The following PLXNB2 variants were observed in gnomAD, a reference collection of about 807,000 sequenced individuals.
The protein encoded by PLXNB2 is plexin B2.
Under a neutral mutation model 202.6 loss-of-function variants are expected in PLXNB2, and 85 were observed. The observed-to-expected ratio is 0.42, with a 90% CI of 0.35 to 0.50. PLXNB2 has a LOEUF of 0.50. Among genes scored for constraint, PLXNB2 ranks in the 20% least tolerant of loss-of-function variants. The pLI is 0.02. For missense variants in PLXNB2, 2,063 were observed against 2,586.2 expected, an observed-to-expected ratio of 0.80 and a Z score of 4.39; for synonymous variants, 1,239 against 1,137.6, an observed-to-expected ratio of 1.09 and a Z score of -1.79.
chr22:50,290,639 G>A (rs564592455), intron 2 of PLXNB2, 42 bp from the exon 3 acceptor site: 2 of 1,491,584 alleles, frequency 1.3e-6, no homozygotes, highest in African/African-American at 1.4e-5. Context: ...CGACCCAGAG[G>A]ACCCCCGATC....
chr22:50,281,686 G>A lies in PLXNB2; in HGVS notation c.3402C>T (p.Ala1134=), dbSNP rs779403667. The change falls in exon 21 of 37, where the codon GCC becomes GCT. Residue 1134 remains alanine, a synonymous_variant. Coordinates refer to ENST00000359337, the MANE Select transcript of PLXNB2 (RefSeq NM_012401.4). ...TLQEAEAFVG[A]ERCTMKTLTE... ...TCAGCGTCTTCATGGTGCAGCGCTCGGCACCCACGAAGGCCTCGGCCTCCT... is the reference window on the plus strand; with the variant it reads ...TCAGCGTCTTCATGGTGCAGCGCTCAGCACCCACGAAGGCCTCGGCCTCCT... 1.1e-4 allele frequency: 176 copies of A among 1,572,522 alleles called. 1 individual carries two copies. Among genetic ancestry groups the A allele is most frequent in the Admixed American group, 5.9e-4 (33 of 56,410 alleles).
In PLXNB2 at chr22:50,277,954, C is replaced by G; in HGVS notation, c.4947G>C (p.Ala1649=). Residue 1649 remains alanine (A), a synonymous_variant, in exon 32 of 37, where the codon GCG becomes GCC. Coordinates refer to ENST00000359337, the MANE Select transcript of PLXNB2 (RefSeq NM_012401.4). ...FFQSVLAPGH[A]VPPAVKYFFD... ...AGAAGTACTTGACTGCAGGTGGCACCGCGTGCCCAGGCGCCAGCACGCTCT... is the reference window on the plus strand; with the variant it reads ...AGAAGTACTTGACTGCAGGTGGCACGGCGTGCCCAGGCGCCAGCACGCTCT... 7.4e-6 allele frequency: 12 copies of G among 1,612,960 alleles called. No homozygotes were observed. The highest frequency in any genetic ancestry group is 9.3e-6 in the Non-Finnish European group (11 of 1,179,794).
chr22:50,287,628 C>T (rs1347679334), intron 7 of PLXNB2, 39 bp downstream of exon 7: 8 of 1,515,644 alleles, frequency 5.3e-6, no homozygotes, highest in Non-Finnish European at 7.1e-6. Context: ...CCTGGCCCGG[C>T]CTGGGGCCCA....
intron 21 of PLXNB2, 27 bp from the exon 22 acceptor site, chr22:50,281,526 G>A: frequency 1.2e-6 from 2 of 1,607,268 alleles, no homozygotes; most frequent in Middle Eastern, 1.7e-4. Context: ...GTTCAGCGCG[G>A]TCCCGTGGGG....
chr22:50,280,718 T>G, intron 24 of PLXNB2, 26 bp downstream of exon 24: 3 of 696,410 alleles, frequency 4.3e-6, no homozygotes, highest in Non-Finnish European at 4.6e-6. Flanking sequence ...CTGTGTGCCC[T>G]CCCGCCCGCC....
intron 16 of PLXNB2, 36 bp from the exon 17 acceptor site, chr22:50,283,222 G>C: frequency 6.3e-7 from 1 of 1,599,618 alleles, no homozygotes; most frequent in Middle Eastern, 1.7e-4. Flanking sequence ...GTGAGGACGG[G>C]GCACAGGACG....
intron 16 of PLXNB2, 66 bp downstream of exon 16, chr22:50,283,271 G>A: frequency 1.9e-6 from 3 of 1,607,074 alleles, no homozygotes; most frequent in Non-Finnish European, 2.6e-6. Flanking sequence ...TCGTGGGGAG[G>A]CGGCGGGCAG....
intron 15 of PLXNB2, 71 bp from the exon 16 acceptor site, chr22:50,283,516 C>G: frequency 6.5e-7 from 1 of 1,537,116 alleles, no homozygotes; most frequent in South Asian, 1.2e-5. Context: ...CTCACCCCCT[C>G]AGCCTCCCCA....
In PLXNB2 at chr22:50,281,574, C is replaced by T. The variant is rs752942511; in HGVS notation, c.3514G>A (p.Glu1172Lys). The T allele has an allele frequency of 3.1e-6, 5 of 1,610,832 alleles. No individual in the cohort carries two copies. The highest frequency in any genetic ancestry group is 4.2e-6 in the Non-Finnish European group (5 of 1,178,704). ...QKRDTTHNLPEFIVKFGSREW... is the reference protein window; with the variant it reads ...QKRDTTHNLPKFIVKFGSREW... Reference sequence around the variant, plus strand: ...AGTCCCCGCTCACGCACAATGAACTCGGGCAGGTTGTGTGTGGTGTCTCGT... The same window carrying T: ...AGTCCCCGCTCACGCACAATGAACTTGGGCAGGTTGTGTGTGGTGTCTCGT... Residue 1172 changes from glutamate (E) to lysine (K), a missense_variant, in exon 21 of 37, where the codon GAG becomes AAG. By Grantham distance (56) the Glu-to-Lys change is moderately conservative. Coordinates refer to ENST00000359337, the MANE Select transcript of PLXNB2 (RefSeq NM_012401.4).
intron 2 of PLXNB2, 120 bp from the exon 3 acceptor site, chr22:50,290,717 T>C: frequency 9.2e-7 from 1 of 1,092,802 alleles, no homozygotes; most frequent in Non-Finnish European, 1.3e-6. Flanking sequence ...CTCCACGAAC[T>C]GAGGAACCTG....
chr22:50,275,248 G>C lies in PLXNB2; in HGVS notation c.*456C>G. Reference sequence around the variant, plus strand: ...GGTGAGGTCAGGAAGGCATCGTACCGCTTTTTCTCCTCCTCCCATCTCGTG... The same window carrying C: ...GGTGAGGTCAGGAAGGCATCGTACCCCTTTTTCTCCTCCTCCCATCTCGTG... On this transcript the variant is annotated 3_prime_UTR_variant, in exon 37 of 37. Transcript: ENST00000359337. The C allele has an allele frequency of 2.7e-6, 1 of 376,000 alleles. No individual in the cohort carries two copies. The highest frequency in any genetic ancestry group is 1.9e-5 in the South Asian group (1 of 53,824). 23.3% of individuals were successfully genotyped at this position (376,000 alleles called of 1,614,324 possible).
In PLXNB2 at chr22:50,281,838, G is replaced by T. The variant is rs368709033; in HGVS notation, c.3345+16C>A. 2 of 1,605,588 alleles carry T rather than the reference G, an allele frequency of 1.2e-6. No homozygotes were observed. The highest frequency in any genetic ancestry group is 8.5e-7 in the Non-Finnish European group (1 of 1,175,378). On this transcript the variant is annotated intron_variant, in intron 20 of 36. Coordinates refer to ENST00000359337, the MANE Select transcript of PLXNB2 (RefSeq NM_012401.4). ...CCCGAGCAGGACCCAGACACCCGGG[G>T]CTGCACCGTCCTCACCCGGGCGTGG...
At position 50,278,021 on chromosome 22, in the gene PLXNB2, G is replaced by C. The variant is rs1041868631; in HGVS notation, c.4888-8C>G. ...AAACTGCTGCAGTGTGCCCTGTGGG[G>C]GGGAGGGTCTCAGCGTGACGCCGTG... On this transcript the variant is annotated splice_region_variant and splice_polypyrimidine_tract_variant and intron_variant, in intron 31 of 36. Transcript: ENST00000359337. The C allele has an allele frequency of 3.1e-6, 5 of 1,610,588 alleles. No individual in the cohort carries two copies. The highest frequency in any genetic ancestry group is 4.2e-6 in the Non-Finnish European group (5 of 1,178,014).
chr22:50,282,685 G>T (rs1259952980), intron 18 of PLXNB2, 26 bp downstream of exon 18: 4 of 1,542,986 alleles, frequency 2.6e-6, no homozygotes, highest in African/African-American at 2.7e-5. Context: ...GGGGAGCAGA[G>T]GGGGGCGGGG....
intron 11 of PLXNB2, chr22:50,285,001 C>T (rs1037010703): frequency 4.4e-6 from 2 of 455,044 alleles, no homozygotes; most frequent in Non-Finnish European, 8.8e-6. Context: ...CTCCACACGC[C>T]TGCCTCCTCC....
chr22:50,294,351 C>A (rs1165093141), intron 2 of PLXNB2, among the ~76,000 whole-genome samples: 2 of 152,160 alleles, frequency 1.3e-5, no homozygotes, highest in African/African-American at 4.8e-5. Context: ...GCAACTCCAG[C>A]TGCTGCTGCC....
chr22:50,304,976 CT>C (rs1195975770), intron 1 of PLXNB2, among the ~76,000 whole-genome samples: 1 of 152,238 alleles, frequency 6.6e-6, no homozygotes, highest in Admixed American at 6.5e-5. Context: ...GGCGGCCAGG[CT>C]GCAGCCAGAG....
chr22:50,307,441 C>G (rs1188876179), intron 1 of PLXNB2, 112 bp downstream of exon 1: 5 of 542,796 alleles, frequency 9.2e-6, no homozygotes, highest in Non-Finnish European at 1.2e-5. Context: ...CCGCAGCCGC[C>G]GCAGGTCCCC....
In PLXNB2 at chr22:50,278,984, C is replaced by G; in HGVS notation, c.4417G>C (p.Gly1473Arg). The change falls in exon 28 of 37, where the codon GGA becomes CGA. Residue 1473 changes from glycine (G) to arginine (R), a missense_variant. By Grantham distance (125) the Gly-to-Arg change is moderately radical. Transcript: ENST00000359337. ...LTVSVIVQDE[G>R]VDAIPVKVLN... ...ACCTTCACCGGGATGGCGTCCACTC[C>G]CTCGTCCTGCACGATCACGCTCACC... The G allele has an allele frequency of 6.2e-7, 1 of 1,612,762 alleles. No individual in the cohort carries two copies. Among genetic ancestry groups the G allele is most frequent in the Non-Finnish European group, 8.5e-7 (1 of 1,179,328 alleles).
Sources: allele counts gnomAD v4.1 joint callset (sites outside exome capture counted in the v4.1 genomes callset), GRCh38; gene constraint gnomAD v4.1.1; transcripts MANE v1.5; gene names NCBI Gene and HGNC (gene_info 2026-07-23, HGNC 2026-07-21).